TMEM151B: variants seen among roughly 807,000 people sequenced by gnomAD.
The protein encoded by TMEM151B is transmembrane protein 151B, also known as transmembrane protein 193.
In TMEM151B, 18 loss-of-function variants were observed where a neutral mutation model predicts 33.0. The ratio of observed to expected loss-of-function variants is 0.55; its 90% CI spans 0.38 to 0.81. The LOEUF is 0.81. Among genes scored for constraint, TMEM151B ranks in the 30% least tolerant of loss-of-function variants. The pLI is 0.00. For missense variants in TMEM151B, 672 were observed against 843.4 expected (o/e 0.80, Z 2.52); for synonymous variants, 354 against 373.6 (o/e 0.95, Z 0.61).
intron 2 of TMEM151B, 82 bp downstream of exon 2, chr6:44,273,588 G>A (rs78255700): frequency 7.0e-7 from 1 of 1,430,298 alleles, no homozygotes; most frequent in South Asian, 1.4e-5. Flanking sequence ...CCACCTCCCT[G>A]GGGGGAAGGT....
chr6:44,272,823 T>C (rs572341319), intron 1 of TMEM151B, among the ~76,000 whole-genome samples: 12 of 152,256 alleles, frequency 7.9e-5, no homozygotes, highest in Admixed American at 5.2e-4. Flanking sequence ...CTCTGCACTC[T>C]CCTGTACTGG....
chr6:44,275,456 G>T lies in TMEM151B; in HGVS notation c.630G>T (p.Ala210=). 6.5e-7 allele frequency: 1 copy of T among 1,544,380 alleles called. No homozygotes were observed. Among genetic ancestry groups the T allele is most frequent in the South Asian group, 1.2e-5 (1 of 83,848 alleles). ...TGGCGGAGGCTGAGTTCGACTACGC[G>T]CGCTGCGGCGTTCGCGACGTGTCCA... ...THVAEAEFDY[A]RCGVRDVSKT... The change falls in exon 3 of 3, where the codon GCG becomes GCT. Residue 210 remains alanine (A), a synonymous_variant. Transcript: ENST00000451188.
Position 44,275,911 on chromosome 6 carries a change from T to C in TMEM151B, c.1085T>C (p.Leu362Pro). The C allele has an allele frequency of 2.6e-6, 4 of 1,528,792 alleles. No homozygotes were observed. Among genetic ancestry groups the C allele is most frequent in the Non-Finnish European group, 3.5e-6 (4 of 1,137,098 alleles). 94.7% of individuals were successfully genotyped at this position (1,528,792 alleles called of 1,614,324 possible). ...CTGCTGCCCCCGCTCACCCACCGCC[T>C]GCCGCGGGTCAACACAGTAGACAGC... Reference protein sequence around the residue: ...DELLPPLTHRLPRVNTVDSTE... With the variant: ...DELLPPLTHRPPRVNTVDSTE... Residue 362 changes from leucine (L) to proline (P), a missense_variant, in exon 3 of 3, where the codon CTG becomes CCG. Transcript: ENST00000451188.
rs77921689 is a variant in TMEM151B, at chr6:44,278,309, G to T, written c.*1782G>T. 1.3e-5 allele frequency: 2 copies of T among 155,010 alleles called. No homozygotes were observed. Among genetic ancestry groups the T allele is most frequent in the Non-Finnish European group, 2.9e-5 (2 of 68,450 alleles). The allele number at this position is 155,010 out of a possible 1,614,324, so 9.6% of individuals were successfully genotyped here. On this transcript the variant is annotated 3_prime_UTR_variant, in exon 3 of 3. Coordinates refer to ENST00000451188, the MANE Select transcript of TMEM151B (RefSeq NM_001137560.2). ...AAGAGGCTAGAGAGAGGGAGGCTTGGGCAGGGGAAACAGCTGCCCACCAGG... is the reference window on the plus strand; with the variant it reads ...AAGAGGCTAGAGAGAGGGAGGCTTGTGCAGGGGAAACAGCTGCCCACCAGG...
chr6:44,275,353 C>T lies in TMEM151B; in HGVS notation c.577-50C>T, dbSNP rs533666098. On this transcript the variant is annotated intron_variant, in intron 2 of 2. Transcript: ENST00000451188. ...GAAAGGGTGAGTGGGCAGAAGCGGG[C>T]ACCAATGACGGGCTCCCCGCGACCC... 1.7e-5 allele frequency: 24 copies of T among 1,454,472 alleles called. No individual in the cohort carries two copies. The East Asian group carries it at 5.5e-4, about 33-fold the overall frequency. The allele number at this position is 1,454,472 out of a possible 1,614,324, so 90.1% of individuals were successfully genotyped here.
rs1282988324 is a variant in TMEM151B, at chr6:44,275,803, A to T, written c.977A>T (p.His326Leu). The change falls in exon 3 of 3, where the codon CAC becomes CTC. Residue 326 changes from histidine (H) to leucine (L), a missense_variant. By Grantham distance (99) the His-to-Leu change is moderately conservative. Coordinates refer to ENST00000451188, the MANE Select transcript of TMEM151B (RefSeq NM_001137560.2). The stretch of plus-strand genomic sequence containing the variant: ...GCCGAGTACCGCACGGCCTACGCGC[A>T]CTACCACGTGGAGAAGCTATTTGGC... ...VLAEYRTAYA[H>L]YHVEKLFGLE... is the part of the protein sequence containing the mutation. 2 of 1,543,346 alleles carry T rather than the reference A, an allele frequency of 1.3e-6. No homozygotes were observed. The highest frequency in any genetic ancestry group is 1.7e-6 in the Non-Finnish European group (2 of 1,145,656).
rs940853201 is a variant in TMEM151B at position 44,276,649 on chromosome 6, G to T, written c.*122G>T. On this transcript the variant is annotated 3_prime_UTR_variant, in exon 3 of 3. Coordinates refer to ENST00000451188, the MANE Select transcript of TMEM151B (RefSeq NM_001137560.2). ...GCCGCGCGGGGGGCAGGGAAAGGGAGGTGAGGGCCGCAAGACAGGCCCGGA... is the reference window on the plus strand; with the variant it reads ...GCCGCGCGGGGGGCAGGGAAAGGGATGTGAGGGCCGCAAGACAGGCCCGGA... 9 of 1,282,986 alleles carry T rather than the reference G, an allele frequency of 7.0e-6. No individual in the cohort carries two copies. The East Asian group carries it at 2.8e-4, about 40-fold the overall frequency. The allele number at this position is 1,282,986 out of a possible 1,614,324, so 79.5% of individuals were successfully genotyped here.
rs1327419865 is a variant in TMEM151B at position 44,276,303 on chromosome 6, G to A, written c.1477G>A (p.Gly493Arg). The change falls in exon 3 of 3, where the codon GGG becomes AGG. Residue 493 changes from glycine (G) to arginine (R), a missense_variant. Around this residue, in one of 3 missense-constraint regions of TMEM151B, gnomAD observed 324 missense variants for 363.1 expected, o/e 0.89. Coordinates refer to ENST00000451188, the MANE Select transcript of TMEM151B (RefSeq NM_001137560.2). ...CAGCTGCCTGTGGCGCAGCCGCAGC[G>A]GGAGCGTCAACGAGGCCAGCTGCCC... ...RRSCLWRSRS[G>R]SVNEASCPTE... The A allele has an allele frequency of 7.0e-7, 1 of 1,432,862 alleles. No homozygotes were observed. The highest frequency in any genetic ancestry group is 1.4e-5 in the South Asian group (1 of 72,220). 88.8% of individuals were successfully genotyped at this position (1,432,862 alleles called of 1,614,324 possible). A position where few individuals can be genotyped will look rare whatever the true frequency, so the allele number is the denominator to read the frequency against.
chr6:44,270,822 A>G lies in TMEM151B; in HGVS notation c.80A>G (p.Glu27Gly). 1 of 1,121,170 alleles carries G rather than the reference A, an allele frequency of 8.9e-7. No homozygotes were observed. The highest frequency in any genetic ancestry group is 1.1e-6 in the Non-Finnish European group (1 of 920,936). The allele number at this position is 1,121,170 out of a possible 1,614,324, so 69.5% of individuals were successfully genotyped here. A position where few individuals can be genotyped will look rare whatever the true frequency, so the allele number is the denominator to read the frequency against. ...GGGGGPGVSE[E>G]LTAAAAAAAA... ...GGTGGCGGCCCCGGGGTCTCGGAGG[A>G]GCTCACGGCGGCGGCGGCAGCGGCG... Residue 27 changes from glutamate (E) to glycine (G), a missense_variant, in exon 1 of 3, where the codon GAG becomes GGG. Transcript: ENST00000451188.
Position 44,271,151 on chromosome 6 carries a change from T to A in TMEM151B, c.135+274T>A, listed in dbSNP as rs1349104971. ...CTCGCGGATCCTGGGCTTATGAGAG[T>A]GGGGGCTATGCTCTACCGGGGTGGG... On this transcript the variant is annotated intron_variant, in intron 1 of 2. Transcript: ENST00000451188. Among the ~76,000 whole-genome samples, 3 of 148,892 alleles carry A rather than the reference T, an allele frequency of 2.0e-5. No homozygotes were observed. In the East Asian group the frequency reaches 6.0e-4, roughly 30 times the overall value.
In TMEM151B at chr6:44,270,787, C is replaced by T. The variant is rs1272755561; in HGVS notation, c.45C>T (p.Gly15=). The T allele has an allele frequency of 4.5e-6, 5 of 1,107,238 alleles. No individual in the cohort carries two copies. Among genetic ancestry groups the T allele is most frequent in the Non-Finnish European group, 5.5e-6 (5 of 907,976 alleles). The allele number at this position is 1,107,238 out of a possible 1,614,324, so 68.6% of individuals were successfully genotyped here. Residue 15 remains glycine (G), a synonymous_variant, in exon 1 of 3, where the codon GGC becomes GGT. Coordinates refer to ENST00000451188, the MANE Select transcript of TMEM151B (RefSeq NM_001137560.2). Reference sequence around the variant, plus strand: ...CCGCGGGAGAGAGCGCCGCCGGCGGCGGCGGCGGCGGTGGCGGCCCCGGGG... The same window carrying T: ...CCGCGGGAGAGAGCGCCGCCGGCGGTGGCGGCGGCGGTGGCGGCCCCGGGG... ...GSAAGESAAG[G]GGGGGGPGVS...
At chr6:44,271,427 T>TG (rs1223728724) in intron 1 of TMEM151B, among the ~76,000 whole-genome samples, 1 of 147,184 alleles carries the variant, frequency 6.8e-6, no homozygotes. Flanking sequence ...TATCCCTAGT[T>TG]GGGGTCCCTA....
In TMEM151B at chr6:44,277,377, C is replaced by G. The variant is rs948031593; in HGVS notation, c.*850C>G. On this transcript the variant is annotated 3_prime_UTR_variant, in exon 3 of 3. Transcript: ENST00000451188. ...CCTCACCTGGGTTCTGAGTGTATAC[C>G]CCTTTTAGAGAGTGAGATGCCACCC... 1 of 152,372 alleles carries G rather than the reference C, an allele frequency of 6.6e-6. No individual in the cohort carries two copies. The highest frequency in any genetic ancestry group is 1.5e-5 in the Non-Finnish European group (1 of 68,174). The allele number at this position is 152,372 out of a possible 1,614,324, so 9.4% of individuals were successfully genotyped here. A position where few individuals can be genotyped will look rare whatever the true frequency, so the allele number is the denominator to read the frequency against.
intron 2 of TMEM151B, among the ~76,000 whole-genome samples, chr6:44,274,834 C>T (rs1021142643): frequency 1.1e-4 from 16 of 152,110 alleles, no homozygotes; most frequent in African/African-American, 3.6e-4. Context: ...AATTTAAATG[C>T]GCGGCCGGGG....
In TMEM151B at chr6:44,276,144, G is replaced by C; in HGVS notation, c.1318G>C (p.Val440Leu). ...CAGCTGCGAGCACTGCCAGCGCGCC[G>C]TCAGCAGCTCGTCTATCTTCTCGCG... The part of the protein sequence containing the change: ...RRSCEHCQRA[V>L]SSSSIFSRSA... Residue 440 changes from valine to leucine, a missense_variant, in exon 3 of 3, where the codon GTC (valine) becomes CTC (leucine). Physicochemically the swap from Val to Leu is conservative, Grantham distance 32 (BLOSUM62 1). Transcript: ENST00000451188. 2 of 1,315,676 alleles carry C rather than the reference G, an allele frequency of 1.5e-6. No individual in the cohort carries two copies. The highest frequency in any genetic ancestry group is 1.5e-5 in the African/African-American group (1 of 64,736). 81.5% of individuals were successfully genotyped at this position (1,315,676 alleles called of 1,614,324 possible).
intron 2 of TMEM151B, 42 bp downstream of exon 2, chr6:44,273,548 G>A (rs568158880): frequency 6.7e-7 from 1 of 1,502,756 alleles, no homozygotes; most frequent in East Asian, 2.5e-5. Context: ...AACATGGGAG[G>A]TGGCACTTAC....
Position 44,270,861 on chromosome 6 carries a change from G to T in TMEM151B, c.119G>T (p.Gly40Val). The change falls in exon 1 of 3, where the codon GGC becomes GTC. Residue 40 changes from glycine to valine, a missense_variant. Around this residue, in one of 3 missense-constraint regions of TMEM151B, gnomAD observed 63 missense variants for 57.2 expected, o/e 1.10. Coordinates refer to ENST00000451188, the MANE Select transcript of TMEM151B (RefSeq NM_001137560.2). Reference sequence around the variant, plus strand: ...GCGGCAGCGGCGGCGGCGGACGAGGGCCCCGCCCGAGAGGAGGTGAGAGTC... The same window carrying T: ...GCGGCAGCGGCGGCGGCGGACGAGGTCCCCGCCCGAGAGGAGGTGAGAGTC... Reference protein sequence around the residue: ...AAAAAAAADEGPAREEQRPIQ... With the variant: ...AAAAAAAADEVPAREEQRPIQ... 9.1e-7 allele frequency: 1 copy of T among 1,104,526 alleles called. No homozygotes were observed. 68.4% of individuals were successfully genotyped at this position (1,104,526 alleles called of 1,614,324 possible). A position where few individuals can be genotyped will look rare whatever the true frequency, so the allele number is the denominator to read the frequency against.
At chr6:44,275,360 G>A in intron 2 of TMEM151B, 43 bp from the exon 3 acceptor site, 1 of 1,460,128 alleles carries the variant, frequency 6.8e-7, no homozygotes, top group East Asian at 2.5e-5. Flanking sequence ...GGGCACCAAT[G>A]ACGGGCTCCC....
chr6:44,275,062 G>T (rs1038908745), intron 2 of TMEM151B, among the ~76,000 whole-genome samples: 3 of 147,798 alleles, frequency 2.0e-5, no homozygotes, highest in Non-Finnish European at 3.0e-5. Context: ...AGCTTGCAGT[G>T]AGCCGAGATG....
Sources: allele counts gnomAD v4.1 joint callset (sites outside exome capture counted in the v4.1 genomes callset), GRCh38; gene constraint gnomAD v4.1.1; regional missense constraint gnomAD v4.1.1; transcripts MANE v1.5; gene names NCBI Gene and HGNC (gene_info 2026-07-23, HGNC 2026-07-21).